Variants in TRAPPC12 observed in about 807,000 individuals in gnomAD.
TRAPPC12 encodes TPR repeat protein 15.
In TRAPPC12, 61 loss-of-function variants were observed where a neutral mutation model predicts 69.2. The observed-to-expected ratio is 0.88, with a 90% CI of 0.72 to 1.09. The LOEUF (loss-of-function observed/expected upper bound fraction) is 1.09, where lower values mean the gene tolerates loss of function less well. Among genes scored for constraint, TRAPPC12 ranks in the 50% least tolerant of loss-of-function variants. TRAPPC12 has a pLI of 0.00. For missense variants in TRAPPC12, 1,101 were observed against 1,016.4 expected (o/e 1.08, Z -1.13); for synonymous variants, 469 against 438.9 (o/e 1.07, Z -0.86).
chr2:3,423,433 G>A (rs1204254647), intron 4 of TRAPPC12, among the ~76,000 whole-genome samples: 1 of 151,900 alleles, frequency 6.6e-6, no homozygotes, highest in Non-Finnish European at 1.5e-5. Flanking sequence ...TAGATCTCTT[G>A]AGCTTATTCC....
Position 3,414,226 on chromosome 2 carries a change from G to T in TRAPPC12, c.1165-7655G>T, listed in dbSNP as rs1036721898. On this transcript the variant is annotated intron_variant, in intron 3 of 11. Coordinates refer to ENST00000324266, the MANE Select transcript of TRAPPC12 (RefSeq NM_016030.6). The surrounding 1 kb of genome is among the most constrained non-coding windows in gnomAD (Gnocchi z 4.9). ...TTTAATTATATTTCCATCAGCAGTAGGACTGCAGATTCAGCTCATTCAGTT... is the reference window on the plus strand; with the variant it reads ...TTTAATTATATTTCCATCAGCAGTATGACTGCAGATTCAGCTCATTCAGTT... Among the ~76,000 whole-genome samples the T allele has an allele frequency of 1.3e-5, 2 of 152,156 alleles. No individual in the cohort carries two copies. Among genetic ancestry groups the T allele is most frequent in the Admixed American group, 6.5e-5 (1 of 15,274 alleles).
chr2:3,453,205 T>C (rs937690467), intron 6 of TRAPPC12, among the ~76,000 whole-genome samples: 2 of 152,172 alleles, frequency 1.3e-5, no homozygotes, highest in African/African-American at 4.8e-5. Context: ...TTAAAAACCA[T>C]CCTGCGCCCC....
chr2:3,387,797 C>CGCGGACAAGCTGA lies in TRAPPC12; in HGVS notation c.175_187dup (p.Asn63SerfsTer16). The CGCGGACAAGCTGA allele has an allele frequency of 6.2e-7, 1 of 1,613,482 alleles. No homozygotes were observed. Among genetic ancestry groups the CGCGGACAAGCTGA allele is most frequent in the Non-Finnish European group, 8.5e-7 (1 of 1,179,656 alleles). On this transcript the variant is annotated frameshift_variant, in exon 2 of 12. Coordinates refer to ENST00000324266, the MANE Select transcript of TRAPPC12 (RefSeq NM_016030.6). LOFTEE classifies it high-confidence loss of function. The stretch of plus-strand genomic sequence containing the variant: ...CCGCATCGGAAGGCTCGAGTCCTCT[C>CGCGGACAAGCTGA]GCGGACAAGCTGAACGAACACATGA...
At chr2:3,405,725 A>G (rs1483828272) in intron 3 of TRAPPC12, among the ~76,000 whole-genome samples, 2 of 152,288 alleles carry the variant, frequency 1.3e-5, no homozygotes, top group South Asian at 4.1e-4. Flanking sequence ...TAGAAGTGCT[A>G]TTCTATTATT....
intron 2 of TRAPPC12, among the ~76,000 whole-genome samples, chr2:3,397,530 G>A (rs1271227781): frequency 5.9e-5 from 9 of 152,202 alleles, no homozygotes; most frequent in South Asian, 4.1e-4. Context: ...ACATACAGCT[G>A]AGTGTCAGCA....
At chr2:3,467,538 A>G (rs1320323312) in intron 9 of TRAPPC12, 3 of 152,238 alleles carry the variant, frequency 2.0e-5, no homozygotes, top group South Asian at 2.1e-4. Context: ...CTGCATTGCC[A>G]TCTGCACATA....
intron 5 of TRAPPC12, among the ~76,000 whole-genome samples, chr2:3,431,483 C>T (rs1184308557): frequency 6.6e-6 from 1 of 152,228 alleles, no homozygotes; most frequent in Non-Finnish European, 1.5e-5. Context: ...TTCATAATAA[C>T]TATTTACGTT....
At chr2:3,451,921 G>A (rs12472003) in intron 6 of TRAPPC12, among the ~76,000 whole-genome samples, 23,310 of 152,234 alleles carry the variant, frequency 0.15, 2,055 homozygotes, top group Non-Finnish European at 0.2. Context: ...TCAGTTGAAA[G>A]TGCTGGGTAA....
chr2:3,467,575 G>A (rs973703737), intron 9 of TRAPPC12: 8 of 152,186 alleles, frequency 5.3e-5, no homozygotes, highest in African/African-American at 1.4e-4. Flanking sequence ...AGTAAGTTCC[G>A]GCTTGGGCAG....
intron 6 of TRAPPC12, among the ~76,000 whole-genome samples, chr2:3,451,558 C>T (rs1243780361): frequency 6.6e-6 from 1 of 151,910 alleles, no homozygotes; most frequent in African/African-American, 2.4e-5. Context: ...GGGTCTTATT[C>T]TGTCACCCAG....
intron 2 of TRAPPC12, 95 bp from the exon 3 acceptor site, chr2:3,401,682 G>T: frequency 1.4e-6 from 1 of 738,862 alleles, no homozygotes; most frequent in Non-Finnish European, 2.1e-6. Context: ...CAAGCCAGTG[G>T]AGAAAAAAGA....
Position 3,479,532 on chromosome 2 carries a change from T to G in TRAPPC12, c.*71T>G. ...GTGTCTTGAAGCTAATGTATTAATG[T>G]GACATGGAGGAACTCAATAAAACTC... On this transcript the variant is annotated 3_prime_UTR_variant, in exon 12 of 12. Transcript: ENST00000324266. 1.3e-6 allele frequency: 2 copies of G among 1,559,652 alleles called. No homozygotes were observed. Among genetic ancestry groups the G allele is most frequent in the South Asian group, 2.4e-5 (2 of 82,672 alleles).
chr2:3,393,987 A>T (rs552695792), intron 2 of TRAPPC12, among the ~76,000 whole-genome samples: 4 of 152,366 alleles, frequency 2.6e-5, no homozygotes, highest in Admixed American at 2.0e-4. Context: ...CTGCATTAAC[A>T]AAGAAAGCCA....
rs946021700 is a variant in TRAPPC12, at chr2:3,458,541, G to A, written c.1603+848G>A. On this transcript the variant is annotated intron_variant, in intron 7 of 11. Coordinates refer to ENST00000324266, the MANE Select transcript of TRAPPC12 (RefSeq NM_016030.6). ...GTGTGTATGTGTGTGGTGTGTGGAT[G>A]TTGGGTGTGCATGCTGTGGCATGTG... The A allele has an allele frequency of 4.9e-6, 4 of 809,708 alleles. No individual in the cohort carries two copies. The African/African-American group carries it at 7.5e-5, about 15-fold the overall frequency. The allele number at this position is 809,708 out of a possible 1,614,324, so 50.2% of individuals were successfully genotyped here.
chr2:3,460,734 A>G (rs996707577), intron 8 of TRAPPC12: 4 of 176,392 alleles, frequency 2.3e-5, no homozygotes, highest in African/African-American at 9.5e-5. Flanking sequence ...ACACCTGAAG[A>G]CAGGCTTCCC....
intron 6 of TRAPPC12, among the ~76,000 whole-genome samples, chr2:3,453,464 C>T (rs1664961785): frequency 6.6e-6 from 1 of 152,218 alleles, no homozygotes; most frequent in Non-Finnish European, 1.5e-5. Flanking sequence ...TGTGCATCTT[C>T]CTGAAGCACT....
intron 5 of TRAPPC12, among the ~76,000 whole-genome samples, chr2:3,435,114 G>C (rs761510509): frequency 6.6e-5 from 10 of 152,196 alleles, no homozygotes; most frequent in Admixed American, 1.3e-4. Context: ...CCACATTCAA[G>C]CAGTTCTCCT....
At chr2:3,436,042 G>A (rs1325169695) in intron 5 of TRAPPC12, among the ~76,000 whole-genome samples, 1 of 152,188 alleles carries the variant, frequency 6.6e-6, no homozygotes, top group African/African-American at 2.4e-5. Context: ...ATCTCAGCAT[G>A]CACAGGAGTC....
At chr2:3,424,731 A>T in intron 5 of TRAPPC12, 68 bp downstream of exon 5, 1 of 1,461,366 alleles carries the variant, frequency 6.8e-7, no homozygotes, top group Middle Eastern at 1.8e-4. Context: ...TGATTTATAC[A>T]TAATTTCGTA....
Sources: allele counts gnomAD v4.1 joint callset (sites outside exome capture counted in the v4.1 genomes callset), GRCh38; gene constraint gnomAD v4.1.1; non-coding constraint Gnocchi (gnomAD v3.1); transcripts MANE v1.5; gene names NCBI Gene and HGNC (gene_info 2026-07-23, HGNC 2026-07-21).